PDCD11: variants seen among roughly 807,000 people sequenced by gnomAD.
The protein encoded by PDCD11 is protein RRP5 homolog.
Under a neutral mutation model 198.9 loss-of-function variants are expected in PDCD11, and 97 were observed. The observed-to-expected ratio is 0.49, with a 90% CI of 0.41 to 0.58. The LOEUF is 0.58. Among genes scored for constraint, PDCD11 ranks in the 20% least tolerant of loss-of-function variants. The pLI is 0.00. For synonymous variants in PDCD11, 893 were observed against 918.0 expected, an observed-to-expected ratio of 0.97 and a Z score of 0.49; for missense variants, 2,102 against 2,312.7, an observed-to-expected ratio of 0.91 and a Z score of 1.87.
chr10:103,400,149 A>G (rs1282502759), intron 2 of PDCD11, among the ~76,000 whole-genome samples: 1 of 152,040 alleles, frequency 6.6e-6, no homozygotes, highest in Non-Finnish European at 1.5e-5. Flanking sequence ...GAGGGAGAAC[A>G]CAAGAGAGAA....
At chr10:103,438,425 A>C (rs112730614) in intron 26 of PDCD11, among the ~76,000 whole-genome samples, 1 of 152,164 alleles carries the variant, frequency 6.6e-6, no homozygotes, top group African/African-American at 2.4e-5. Context: ...TTAGACATCA[A>C]TGTTAATGAG....
intron 9 of PDCD11, 60 bp from the exon 10 acceptor site, chr10:103,413,906 G>A: frequency 5.3e-6 from 8 of 1,514,700 alleles, no homozygotes; most frequent in Non-Finnish European, 7.1e-6. Context: ...TGGGCTGTAA[G>A]GTCTCATTGG....
At chr10:103,415,839 G>A (rs773833202) in intron 12 of PDCD11, among the ~76,000 whole-genome samples, 8 of 152,172 alleles carry the variant, frequency 5.3e-5, no homozygotes, top group Non-Finnish European at 1.0e-4. Context: ...ACAAAGGCTC[G>A]AATCCGAAGG....
At chr10:103,431,176 A>C (rs756117455) in intron 21 of PDCD11, among the ~76,000 whole-genome samples, 1 of 152,092 alleles carries the variant, frequency 6.6e-6, no homozygotes, top group South Asian at 2.1e-4. Context: ...AGTTTGGTTC[A>C]TTTGGGCTTA....
intron 5 of PDCD11, 56 bp from the exon 6 acceptor site, chr10:103,405,929 G>A: frequency 1.9e-6 from 3 of 1,584,592 alleles, no homozygotes; most frequent in Non-Finnish European, 2.6e-6. Context: ...TGGATGTTTT[G>A]TGTGTGTCCC....
At chr10:103,435,095 A>G (rs1211566691) in intron 25 of PDCD11, 120 bp downstream of exon 25, 1 of 666,916 alleles carries the variant, frequency 1.5e-6, no homozygotes, top group Non-Finnish European at 2.2e-6. Context: ...GAAAATGAAA[A>G]TTTCTGTAAC....
At chr10:103,400,609 C>T in intron 3 of PDCD11, 81 bp downstream of exon 3, 1 of 1,376,390 alleles carries the variant, frequency 7.3e-7, no homozygotes, top group Non-Finnish European at 1.0e-6. Context: ...TTCTTTCCTT[C>T]TTTTTTCCCT....
rs1012957957 is a variant in PDCD11, at chr10:103,444,137, C to T, written c.5278+69C>T. ...ATCGGGGAGTAGGAACTGGCTGTGG[C>T]ATTGCTTCTTCTAAGTCAGGAGAGC... On this transcript the variant is annotated intron_variant, in intron 34 of 35. Coordinates refer to ENST00000369797, the MANE Select transcript of PDCD11 (RefSeq NM_014976.2). The T allele has an allele frequency of 2.2e-6, 3 of 1,379,740 alleles. No individual in the cohort carries two copies. The African/African-American group carries it at 4.3e-5, about 20-fold the overall frequency. The allele number at this position is 1,379,740 out of a possible 1,614,324, so 85.5% of individuals were successfully genotyped here.
At chr10:103,436,607 G>T (rs996002859) in intron 25 of PDCD11, among the ~76,000 whole-genome samples, 11 of 152,164 alleles carry the variant, frequency 7.2e-5, no homozygotes, top group African/African-American at 2.7e-4. Flanking sequence ...ACATGCCCAG[G>T]GCCTGGGAGA....
chr10:103,435,732 C>T (rs147634830), intron 25 of PDCD11, among the ~76,000 whole-genome samples: 1 of 152,266 alleles, frequency 6.6e-6, no homozygotes, highest in East Asian at 1.9e-4. Context: ...AGGTTGGTCT[C>T]GAACTCCTGA....
intron 7 of PDCD11, among the ~76,000 whole-genome samples, chr10:103,407,193 G>A (rs2030508489): frequency 6.6e-6 from 1 of 152,152 alleles, no homozygotes; most frequent in African/African-American, 2.4e-5. Flanking sequence ...ATATTTTTGA[G>A]TAATAAGCTT....
intron 21 of PDCD11, among the ~76,000 whole-genome samples, 187 bp from the exon 22 acceptor site, chr10:103,431,942 A>G (rs1229026469): frequency 1.3e-5 from 2 of 152,240 alleles, no homozygotes; most frequent in Admixed American, 1.3e-4. Flanking sequence ...GATGAATGAA[A>G]CGGAAAAGAT....
intron 19 of PDCD11, among the ~76,000 whole-genome samples, chr10:103,424,095 A>G (rs1040210163): frequency 1.3e-5 from 2 of 152,232 alleles, no homozygotes; most frequent in African/African-American, 4.8e-5. Context: ...ATTTGAAATA[A>G]AAGCTGAAAA....
intron 1 of PDCD11, among the ~76,000 whole-genome samples, chr10:103,397,842 T>G (rs533633192): frequency 6.6e-6 from 1 of 152,354 alleles, no homozygotes; most frequent in South Asian, 2.1e-4. Context: ...ATAGGGAAAT[T>G]GCTGGTGTTT....
intron 15 of PDCD11, 100 bp downstream of exon 15, chr10:103,418,734 A>G: frequency 1.0e-6 from 1 of 988,644 alleles, no homozygotes; most frequent in Non-Finnish European, 1.5e-6. Flanking sequence ...GACCTCAGAA[A>G]TATCTCCACA....
At chr10:103,407,609 T>C (rs1017226062) in intron 7 of PDCD11, among the ~76,000 whole-genome samples, 3 of 152,146 alleles carry the variant, frequency 2.0e-5, no homozygotes, top group African/African-American at 7.2e-5. Context: ...GAAGTCTTAC[T>C]CTGTTGCCCA....
intron 8 of PDCD11, among the ~76,000 whole-genome samples, chr10:103,410,274 ACT>A (rs1021063804): frequency 1.3e-5 from 2 of 151,852 alleles, no homozygotes; most frequent in African/African-American, 4.8e-5. Context: ...AAAGTAAGAA[ACT>A]CTCAGTGGCT....
intron 3 of PDCD11, among the ~76,000 whole-genome samples, chr10:103,402,600 G>A (rs1047256668): frequency 4.6e-5 from 7 of 151,822 alleles, no homozygotes; most frequent in Admixed American, 2.0e-4. Context: ...CACCATGCCC[G>A]GCTAATTTTT....
rs372400151 is a variant in PDCD11 at position 103,418,622 on chromosome 10, C to A, written c.2094C>A (p.Ser698Arg). The change falls in exon 15 of 36, where the codon AGC becomes AGA. Residue 698 changes from serine to arginine, a missense_variant. Transcript: ENST00000369797. ...ACCGAGTCCTGTGTCTGAGCCAGAGCGAGGGGCGTGTTGTATCCTTGACTG... is the reference window on the plus strand; with the variant it reads ...ACCGAGTCCTGTGTCTGAGCCAGAGAGAGGGGCGTGTTGTATCCTTGACTG... ...ILHRVLCLSQ[S>R]EGRVLLCRKP... 1 of 1,613,438 alleles carries A rather than the reference C, an allele frequency of 6.2e-7. No homozygotes were observed. The highest frequency in any genetic ancestry group is 8.5e-7 in the Non-Finnish European group (1 of 1,179,654).
Sources: gnomAD v4.1 joint callset for allele counts (sites outside exome capture counted in the v4.1 genomes callset) on GRCh38, gnomAD v4.1.1 for gene constraint, MANE v1.5 for transcripts, NCBI Gene and HGNC (gene_info 2026-07-23, HGNC 2026-07-21) for gene names.